Variants in BRCA1 observed in about 807,000 individuals in gnomAD.
The protein encoded by BRCA1 is BRCA1 DNA repair associated.
A neutral mutation model predicts 173.7 loss-of-function variants in BRCA1; 140 were observed. The observed-to-expected ratio is 0.81, with a 90% CI of 0.70 to 0.93. The LOEUF (loss-of-function observed/expected upper bound fraction) is 0.93. Ranked by LOEUF, BRCA1 falls within the 40% of genes least tolerant of loss-of-function variation. BRCA1 has a pLI of 0.00. For missense variants in BRCA1, 1,983 were observed against 2,172.5 expected, an observed-to-expected ratio of 0.91 and a Z score of 1.73; for synonymous variants, 662 against 756.0, an observed-to-expected ratio of 0.88 and a Z score of 2.04.
chr17:43,053,174 T>C (rs906556546), intron 19 of BRCA1, among the ~76,000 whole-genome samples: 9 of 152,184 alleles, frequency 5.9e-5, no homozygotes, highest in African/African-American at 2.2e-4. Flanking sequence ...AGCATCCATC[T>C]GTGCCACTCT....
intron 1 of BRCA1, among the ~76,000 whole-genome samples, chr17:43,158,634 T>G (rs2056213035): frequency 6.6e-6 from 1 of 152,230 alleles, no homozygotes; most frequent in African/African-American, 2.4e-5. Context: ...TTTTAAAAAA[T>G]TAATTGAAGA....
intron 12 of BRCA1, among the ~76,000 whole-genome samples, chr17:43,081,231 T>C (rs898177332): frequency 6.6e-6 from 1 of 152,230 alleles, no homozygotes; most frequent in Non-Finnish European, 1.5e-5. Context: ...GGGATGGGAC[T>C]CTGATCTCTC....
chr17:43,104,780 T>A (rs539340412), intron 5 of BRCA1, 88 bp downstream of exon 5: 1 of 1,205,118 alleles, frequency 8.3e-7, no homozygotes, highest in South Asian at 1.2e-5. Context: ...AAAGGTCTTA[T>A]CACCACGTCA....
intron 7 of BRCA1, among the ~76,000 whole-genome samples, chr17:43,099,501 C>A (rs537337342): frequency 1.3e-5 from 2 of 152,056 alleles, no homozygotes; most frequent in East Asian, 1.9e-4. Flanking sequence ...GAACTCCCGA[C>A]CTCAGGTGAT....
chr17:43,143,852 A>C (rs2056097848), intron 1 of BRCA1, among the ~76,000 whole-genome samples: 1 of 151,760 alleles, frequency 6.6e-6, no homozygotes. Context: ...GCTCTCACAC[A>C]CTCTTCTTGA....
chr17:43,145,719 C>T (rs1482859804), intron 1 of BRCA1, among the ~76,000 whole-genome samples: 1 of 151,914 alleles, frequency 6.6e-6, no homozygotes, highest in Non-Finnish European at 1.5e-5. Flanking sequence ...CACCTCATTC[C>T]ATTTTTTAAG....
intron 15 of BRCA1, 21 bp from the exon 16 acceptor site, chr17:43,067,716 C>A (rs1423988232): frequency 6.3e-7 from 1 of 1,584,502 alleles, no homozygotes. Context: ...ATCAAATATT[C>A]CATTATCATG....
chr17:43,066,615 T>C (rs1035759263), intron 16 of BRCA1, among the ~76,000 whole-genome samples: 1 of 151,616 alleles, frequency 6.6e-6, no homozygotes, highest in African/African-American at 2.4e-5. Flanking sequence ...TTTACCATAT[T>C]GGCCAGGCTG....
intron 1 of BRCA1, among the ~76,000 whole-genome samples, chr17:43,153,912 C>T (rs907107356): frequency 1.3e-5 from 2 of 152,148 alleles, no homozygotes; most frequent in African/African-American, 4.8e-5. Context: ...TAAGGCTGGG[C>T]GTGGTGCCTC....
chr17:43,061,805 G>A (rs1340042683), intron 18 of BRCA1, among the ~76,000 whole-genome samples: 2 of 151,830 alleles, frequency 1.3e-5, no homozygotes, highest in African/African-American at 2.4e-5. Context: ...GGCTGGTCTC[G>A]AACTCCTGAC....
intron 3 of BRCA1, among the ~76,000 whole-genome samples, chr17:43,111,772 A>C (rs1454138535): frequency 6.6e-6 from 1 of 152,128 alleles, no homozygotes; most frequent in Non-Finnish European, 1.5e-5. Context: ...CAGTGAGCCG[A>C]GACTGCACCA....
intron 1 of BRCA1, among the ~76,000 whole-genome samples, chr17:43,169,326 G>A (rs2056299209): frequency 6.6e-6 from 1 of 152,150 alleles, no homozygotes; most frequent in East Asian, 1.9e-4. Flanking sequence ...GCGCCACCAC[G>A]CCCGGCTAAT....
intron 1 of BRCA1, among the ~76,000 whole-genome samples, chr17:43,153,838 G>A (rs1300215377): frequency 6.6e-6 from 1 of 152,182 alleles, no homozygotes; most frequent in Non-Finnish European, 1.5e-5. Flanking sequence ...TGTTTGGTTT[G>A]TGATTACTTT....
chr17:43,125,593 T>G (rs1460595267), upstream of BRCA1: 2 of 302,768 alleles, frequency 6.6e-6, no homozygotes, highest in South Asian at 3.0e-5. Flanking sequence ...AGAGGAAGAA[T>G]TCTACCTGAG....
chr17:43,129,841 C>G (rs771141460), upstream of BRCA1, among the ~76,000 whole-genome samples: 10 of 152,138 alleles, frequency 6.6e-5, no homozygotes, highest in Non-Finnish European at 1.0e-4. Context: ...GAGTCAGTCA[C>G]TTCATTTTCC....
chr17:43,064,583 A>C (rs1248283146), intron 16 of BRCA1, among the ~76,000 whole-genome samples: 1 of 152,216 alleles, frequency 6.6e-6, no homozygotes, highest in Non-Finnish European at 1.5e-5. Flanking sequence ...AAGACCATTT[A>C]GTTTTAAACA....
rs2236762 is a variant in BRCA1 at position 43,074,658 on chromosome 17, A to T, written c.4485-137T>A. On this transcript the variant is annotated intron_variant, in intron 13 of 22. Transcript: ENST00000357654. Reference sequence around the variant, plus strand: ...AATGACTGGCAAAAAAGAGCCCGCAAGACAGCCTAGAAGTCTGGATTCATG... The same window carrying T: ...AATGACTGGCAAAAAAGAGCCCGCATGACAGCCTAGAAGTCTGGATTCATG... 299,570 of 775,348 alleles carry T rather than the reference A, an allele frequency of 0.39. 62,443 individuals carry two copies. Among genetic ancestry groups the T allele is most frequent in the African/African-American group, 0.69 (39,540 of 57,590 alleles). 48.0% of individuals were successfully genotyped at this position (775,348 alleles called of 1,614,324 possible). A position where few individuals can be genotyped will look rare whatever the true frequency, so the allele number is the denominator to read the frequency against.
upstream of BRCA1, among the ~76,000 whole-genome samples, chr17:43,126,891 C>T (rs1242471845): frequency 6.6e-6 from 1 of 152,088 alleles, no homozygotes; most frequent in East Asian, 1.9e-4. Context: ...CCAGCCAGCG[C>T]GAGTTCCAGG....
At chr17:43,112,096 T>A (rs2055061772) in intron 3 of BRCA1, among the ~76,000 whole-genome samples, 1 of 149,484 alleles carries the variant, frequency 6.7e-6, no homozygotes, top group Non-Finnish European at 1.5e-5. Context: ...ATACTGGACT[T>A]TTTTTTTTTT....
Sources: gnomAD v4.1 joint callset for allele counts (sites outside exome capture counted in the v4.1 genomes callset) on GRCh38, gnomAD v4.1.1 for gene constraint, MANE v1.5 for transcripts, NCBI Gene and HGNC (gene_info 2026-07-23, HGNC 2026-07-21) for gene names.